SPATA13: variants seen among roughly 807,000 people sequenced by gnomAD.
SPATA13 encodes the protein spermatogenesis associated 13, also known as spermatogenesis-associated protein 13.
Under a neutral mutation model 104.0 loss-of-function variants are expected in SPATA13, and 50 were observed. The ratio of observed to expected loss-of-function variants is 0.48; its 90% CI spans 0.38 to 0.61. SPATA13 has a LOEUF of 0.61. SPATA13 is among the 20% of genes least tolerant of loss of function. SPATA13 has a pLI of 0.00. For synonymous variants in SPATA13, 606 were observed against 667.5 expected (o/e 0.91, Z 1.42); for missense variants, 1,524 against 1,690.6 (o/e 0.90, Z 1.73).
intron 3 of SPATA13, among the ~76,000 whole-genome samples, chr13:24,094,510 T>A (rs1880009321): frequency 6.6e-6 from 1 of 152,170 alleles, no homozygotes; most frequent in Non-Finnish European, 1.5e-5. Context: ...GGGACAAAGC[T>A]AGGAGGTGGG....
At chr13:24,122,952 T>A (rs1881087902) in intron 3 of SPATA13, 1 of 781,680 alleles carries the variant, frequency 1.3e-6, no homozygotes, top group East Asian at 2.4e-5. Flanking sequence ...AAGAAGCGTG[T>A]CAGGTGTATT....
intron 4 of SPATA13, among the ~76,000 whole-genome samples, chr13:24,268,227 C>G (rs1874383232): frequency 6.6e-6 from 1 of 152,188 alleles, no homozygotes; most frequent in Non-Finnish European, 1.5e-5. Flanking sequence ...AAGGTAGATA[C>G]AATATACAGT....
At chr13:24,053,933 G>A (rs548416181) in intron 3 of SPATA13, among the ~76,000 whole-genome samples, 1 of 152,286 alleles carries the variant, frequency 6.6e-6, no homozygotes, top group Admixed American at 6.5e-5. Flanking sequence ...TGTTATTATG[G>A]GGTGTCTATG....
intron 4 of SPATA13, among the ~76,000 whole-genome samples, chr13:24,258,201 C>T (rs1593469205): frequency 6.6e-6 from 1 of 150,480 alleles, no homozygotes; most frequent in Non-Finnish European, 1.5e-5. Context: ...CGCCATGGCA[C>T]TCCAGCCTGG....
intron 3 of SPATA13, among the ~76,000 whole-genome samples, chr13:24,037,317 C>T (rs1195360969): frequency 6.6e-6 from 1 of 150,580 alleles, no homozygotes; most frequent in Non-Finnish European, 1.5e-5. Flanking sequence ...CAAACCTGCA[C>T]GTTGTGCACA....
Position 24,030,433 on chromosome 13 carries a change from T to C in SPATA13, c.-112+12732T>C, listed in dbSNP as rs78070828. Among the ~76,000 whole-genome samples the C allele has an allele frequency of 1.6e-3, 240 of 152,318 alleles. 1 individual carries two copies. Among genetic ancestry groups the C allele is most frequent in the African/African-American group, 5.3e-3 (222 of 41,564 alleles). On this transcript the variant is annotated intron_variant, in intron 3 of 14. Transcript: ENST00000424834. ...GTCAATGGTTTCAGTAGGGTGCTTA[T>C]GCTCTCCTTATTTGACATTTCTCTG...
rs1314338124 is a variant in SPATA13 at position 24,305,721 on chromosome 13, A to C, written c.*2948A>C. 1 of 152,220 alleles carries C rather than the reference A, an allele frequency of 6.6e-6. No individual in the cohort carries two copies. Among genetic ancestry groups the C allele is most frequent in the East Asian group, 1.9e-4 (1 of 5,198 alleles). The allele number at this position is 152,220 out of a possible 1,614,324, so 9.4% of individuals were successfully genotyped here. ...ATGGGCCAAGAAAAGAAAAGATGAC[A>C]TAACATTTTGATGAATTTCACCTAT... On this transcript the variant is annotated 3_prime_UTR_variant, in exon 13 of 13. Transcript: ENST00000382108.
chr13:23,988,891 C>T (rs1035508266), intron 2 of SPATA13, among the ~76,000 whole-genome samples: 2 of 152,140 alleles, frequency 1.3e-5, no homozygotes, highest in East Asian at 1.9e-4. Context: ...TTTGGCATCC[C>T]TAGTGTGCAG....
At chr13:24,061,093 A>G (rs1593305656) in intron 3 of SPATA13, among the ~76,000 whole-genome samples, 1 of 152,320 alleles carries the variant, frequency 6.6e-6, no homozygotes, top group Non-Finnish European at 1.5e-5. Context: ...AAAAGAGGAC[A>G]TACATGTGGC....
intron 3 of SPATA13, among the ~76,000 whole-genome samples, chr13:24,090,511 C>T (rs1244621879): frequency 2.0e-5 from 3 of 152,284 alleles, no homozygotes; most frequent in South Asian, 2.1e-4. Flanking sequence ...GCTTTGACCT[C>T]GCCCTCTTTT....
At chr13:24,131,926 TC>T (rs78298365) in intron 3 of SPATA13, among the ~76,000 whole-genome samples, 16,383 of 152,114 alleles carry the variant, frequency 0.11, 1,255 homozygotes, top group East Asian at 0.44. Context: ...AGCTCACATA[TC>T]CCCTCAGGGT....
intron 2 of SPATA13, among the ~76,000 whole-genome samples, chr13:23,993,457 C>T (rs1875510868): frequency 6.6e-6 from 1 of 152,222 alleles, no homozygotes; most frequent in Admixed American, 6.5e-5. Flanking sequence ...ACATTTACGG[C>T]AATAAGGCTT....
chr13:24,057,699 G>C (rs1878616153), intron 3 of SPATA13, among the ~76,000 whole-genome samples: 1 of 151,690 alleles, frequency 6.6e-6, no homozygotes, highest in Non-Finnish European at 1.5e-5. Context: ...TGGCCTTTTG[G>C]AATTGCCACA....
At position 24,304,544 on chromosome 13, in the gene SPATA13, G is replaced by A. The variant is rs900008155; in HGVS notation, c.*1771G>A. On this transcript the variant is annotated 3_prime_UTR_variant, in exon 13 of 13. Transcript: ENST00000382108. ...AAGGTGTATTCTTCAGTCTGCAGGT[G>A]TGTGGCACCTCCCTTCTCCCCTGCA... 1.3e-5 allele frequency: 2 copies of A among 152,166 alleles called. No individual in the cohort carries two copies. The highest frequency in any genetic ancestry group is 4.8e-5 in the African/African-American group (2 of 41,428). The allele number at this position is 152,166 out of a possible 1,614,324, so 9.4% of individuals were successfully genotyped here.
intron 1 of SPATA13, among the ~76,000 whole-genome samples, chr13:24,204,559 C>T (rs1202842594): frequency 1.3e-5 from 2 of 152,154 alleles, no homozygotes; most frequent in East Asian, 1.9e-4. Flanking sequence ...ACTGTTCCAT[C>T]TCCCAAACTG....
chr13:24,201,529 C>T (rs1870404333), intron 1 of SPATA13, among the ~76,000 whole-genome samples: 2 of 152,136 alleles, frequency 1.3e-5, no homozygotes, highest in African/African-American at 4.8e-5. Flanking sequence ...CAACCTCCGC[C>T]TCCCAGGTTC....
chr13:24,073,909 C>A lies in SPATA13; in HGVS notation c.-112+56208C>A, dbSNP rs190762403. Among the ~76,000 whole-genome samples the A allele has an allele frequency of 3.9e-4, 59 of 152,320 alleles. 1 individual carries two copies. Among genetic ancestry groups the A allele is most frequent in the South Asian group, 3.5e-3 (17 of 4,828 alleles). On this transcript the variant is annotated intron_variant, in intron 3 of 14. Coordinates refer to the SPATA13 transcript ENST00000424834. ...GTAGACCAAGACATAAATGGAAATT[C>A]TTGGAGATGTGCAGCCTTGCACACC...
Position 24,222,908 on chromosome 13 carries a change from G to A in SPATA13, c.-22G>A, listed in dbSNP as rs769532086. The A allele has an allele frequency of 9.7e-6, 15 of 1,550,266 alleles. No individual in the cohort carries two copies. The highest frequency in any genetic ancestry group is 4.1e-5 in the African/African-American group (3 of 73,026). ...ATGAAGGCCTGGAGCTGCGGTCTGC[G>A]GACTCGGCAGTGCCCGTGGCCATGA... On this transcript the variant is annotated 5_prime_UTR_variant, in exon 2 of 13. Coordinates refer to ENST00000382108, the MANE Select transcript of SPATA13 (RefSeq NM_001166271.3).
chr13:24,196,537 C>A (rs558344202), intron 1 of SPATA13, among the ~76,000 whole-genome samples: 3 of 152,236 alleles, frequency 2.0e-5, no homozygotes, highest in African/African-American at 7.2e-5. Flanking sequence ...GAGTTTGAGA[C>A]CAGCCTGGGA....
Sources: gnomAD v4.1 joint callset for allele counts (sites outside exome capture counted in the v4.1 genomes callset) on GRCh38, gnomAD v4.1.1 for gene constraint, MANE v1.5 for transcripts, NCBI Gene and HGNC (gene_info 2026-07-23, HGNC 2026-07-21) for gene names.